Variants in PIGQ observed in about 807,000 individuals in gnomAD.
PIGQ encodes the protein phosphatidylinositol glycan anchor biosynthesis class Q, also known as phosphatidylinositol N-acetylglucosaminyltransferase subunit Q.
PIGQ carries 54 observed loss-of-function variants against 60.3 expected under a neutral mutation model. That is an observed-to-expected ratio of 0.90 (90% CI 0.72 to 1.12). The LOEUF (loss-of-function observed/expected upper bound fraction) is 1.12. Among genes scored for constraint, PIGQ ranks in the 50% most tolerant of loss-of-function variants. The probability of loss-of-function intolerance (pLI) is 0.00; values close to 1 mark genes in which losing one functional copy is unlikely to be tolerated. For synonymous variants in PIGQ, 416 were observed against 363.7 expected (o/e 1.14, Z -1.64); for missense variants, 799 against 793.5 (o/e 1.01, Z -0.08).
chr16:575,228 G>A (rs1038163270), intron 2 of PIGQ, among the ~76,000 whole-genome samples: 8 of 152,236 alleles, frequency 5.3e-5, no homozygotes, highest in Non-Finnish European at 1.2e-4. Context: ...GCCTGGGGGA[G>A]TGGTCTACAG....
Position 582,917 on chromosome 16 carries a change from C to G in PIGQ, c.1628C>G (p.Thr543Ser), listed in dbSNP as rs142961139. 130 of 1,611,966 alleles carry G rather than the reference C, an allele frequency of 8.1e-5. No individual in the cohort carries two copies. In the African/African-American group the frequency reaches 1.5e-3, roughly 18 times the overall value. ...NPLPYSRVVH[T>S]YRLPSCGCHP... Reference sequence around the variant, plus strand: ...CTGCCCTACAGCCGCGTGGTGCACACCTACCGCCTCCCCAGCTGTGGCTGC... The same window carrying G: ...CTGCCCTACAGCCGCGTGGTGCACAGCTACCGCCTCCCCAGCTGTGGCTGC... Residue 543 changes from threonine to serine, a missense_variant, in exon 11 of 11, where the codon ACC (threonine) becomes AGC (serine). Coordinates refer to ENST00000321878, the MANE Select transcript of PIGQ (RefSeq NM_004204.5).
intron 4 of PIGQ, chr16:576,674 C>G: frequency 2.3e-6 from 1 of 440,238 alleles, no homozygotes; most frequent in Non-Finnish European, 4.0e-6. Flanking sequence ...ACTTCCTGCC[C>G]TGCCCCTGTG....
At chr16:579,950 G>A (rs1035294720) in intron 7 of PIGQ, 6 of 406,802 alleles carry the variant, frequency 1.5e-5, no homozygotes, top group Admixed American at 4.2e-5. Context: ...GTGTGGCCAC[G>A]CACCGTCTTG....
At position 574,068 on chromosome 16, in the gene PIGQ, T is replaced by G; in HGVS notation, c.-7T>G. The G allele has an allele frequency of 6.3e-7, 1 of 1,589,540 alleles. No homozygotes were observed. The highest frequency in any genetic ancestry group is 8.6e-7 in the Non-Finnish European group (1 of 1,168,000). Reference sequence around the variant, plus strand: ...GAGCCTCTCCTCTTCTCTTCCAGCCTCCCGGCATGGTGCTCAAGGCCTTCT... The same window carrying G: ...GAGCCTCTCCTCTTCTCTTCCAGCCGCCCGGCATGGTGCTCAAGGCCTTCT... On this transcript the variant is annotated splice_region_variant and 5_prime_UTR_variant, in exon 2 of 11. Coordinates refer to ENST00000321878, the MANE Select transcript of PIGQ (RefSeq NM_004204.5).
At chr16:581,419 T>G in intron 9 of PIGQ, 54 of 986,454 alleles carry the variant, frequency 5.5e-5, no homozygotes, top group East Asian at 9.9e-5. Context: ...ACTGGGGCTC[T>G]TCCCTGCTTG....
Position 583,129 on chromosome 16 carries a change from C to G in PIGQ, c.*94C>G. On this transcript the variant is annotated 3_prime_UTR_variant, in exon 11 of 11. Transcript: ENST00000321878. ...CAGCTCAGCTGGCGCATGTCCTGTG[C>G]TTTGTGGACGCTGCTGTGTGCTCCT... The G allele has an allele frequency of 6.2e-7, 1 of 1,613,282 alleles. No homozygotes were observed. The highest frequency in any genetic ancestry group is 8.5e-7 in the Non-Finnish European group (1 of 1,179,980).
Position 583,764 on chromosome 16 carries a change from G to A in PIGQ, c.*729G>A, listed in dbSNP as rs8642. The A allele has an allele frequency of 0.25, 265,944 of 1,046,976 alleles. 39,374 individuals carry two copies. Among genetic ancestry groups the A allele is most frequent in the East Asian group, 0.62 (24,738 of 40,046 alleles). The allele number at this position is 1,046,976 out of a possible 1,614,324, so 64.9% of individuals were successfully genotyped here. On this transcript the variant is annotated 3_prime_UTR_variant, in exon 11 of 11. Coordinates refer to ENST00000321878, the MANE Select transcript of PIGQ (RefSeq NM_004204.5). ...GGTGCCCCGTAGCAGCAGGTCCTGC[G>A]GCCAAATCTGTCTCCCTTCATGGGC...
At chr16:576,094 T>G (rs1455280857) in intron 3 of PIGQ, 40 bp from the exon 4 acceptor site, 1 of 1,544,700 alleles carries the variant, frequency 6.5e-7, no homozygotes, top group Admixed American at 2.0e-5. Context: ...CAGGCTGTGC[T>G]GGCCACCCTC....
Position 578,457 on chromosome 16 carries a change from G to T in PIGQ, c.1021G>T (p.Asp341Tyr). Residue 341 changes from aspartate to tyrosine, a missense_variant, in exon 5 of 11, where the codon GAC becomes TAC. Transcript: ENST00000321878. ...PAGLKMNRAL[D>Y]QVLGRFFLYH... ...CGGGCTCAAGATGAACCGTGCACTG[G>T]ACCAGGTGCTGGGCCGCTTCTTCCT... The T allele has an allele frequency of 1.2e-6, 2 of 1,612,700 alleles. No individual in the cohort carries two copies. The highest frequency in any genetic ancestry group is 2.2e-5 in the South Asian group (2 of 91,076).
Position 583,688 on chromosome 16 carries a change from G to C in PIGQ, c.*653G>C. The C allele has an allele frequency of 6.3e-7, 1 of 1,598,178 alleles. No individual in the cohort carries two copies. The highest frequency in any genetic ancestry group is 8.5e-7 in the Non-Finnish European group (1 of 1,170,646). On this transcript the variant is annotated 3_prime_UTR_variant, in exon 11 of 11. Transcript: ENST00000321878. ...CCAGGCTGCTGTGGGGGCGGGAGCA[G>C]CCTCAGTGTCAAGGGCCCGCCCACT... is the stretch of plus-strand genomic sequence containing the variant.
chr16:572,074 T>G (rs2035640001), intron 1 of PIGQ, among the ~76,000 whole-genome samples: 1 of 152,178 alleles, frequency 6.6e-6, no homozygotes, highest in Admixed American at 6.5e-5. Flanking sequence ...ACGATATCTG[T>G]GGGCAGTTTT....
intron 1 of PIGQ, among the ~76,000 whole-genome samples, chr16:573,103 T>C (rs4984894): frequency 0.47 from 71,941 of 152,096 alleles, 17,499 homozygotes; most frequent in East Asian, 0.64. Context: ...GCTGGCTGCA[T>C]GGCTCCGCAG....
chr16:579,212 G>C (rs1249464819), intron 7 of PIGQ, 32 bp downstream of exon 7: 2 of 1,547,472 alleles, frequency 1.3e-6, no homozygotes, highest in South Asian at 2.2e-5. Context: ...TGGAGGGGCT[G>C]ACTGCCTCCG....
chr16:578,195 T>G (rs1312356666), intron 4 of PIGQ, 184 bp from the exon 5 acceptor site: 1 of 594,142 alleles, frequency 1.7e-6, no homozygotes, highest in African/African-American at 1.9e-5. Flanking sequence ...CAGACCAGCC[T>G]CCTCAGACCC....
Position 583,269 on chromosome 16 carries a change from G to A in PIGQ, c.*234G>A. ...CCATCACTGGCACTGCCTGCCTTGG[G>A]ACCCGCTTCCCACCTGCTGCGGTCA... On this transcript the variant is annotated 3_prime_UTR_variant, in exon 11 of 11. Transcript: ENST00000321878. 2 of 1,612,860 alleles carry A rather than the reference G, an allele frequency of 1.2e-6. No homozygotes were observed. Among genetic ancestry groups the A allele is most frequent in the Non-Finnish European group, 1.7e-6 (2 of 1,179,942 alleles).
At position 578,666 on chromosome 16, in the gene PIGQ, C is replaced by A; in HGVS notation, c.1070-119C>A. ...CTGAGGGCTGGGGCCTGGGCACCTCCCGAGGGCTGACCCCACCCTGCCAGG... is the reference window on the plus strand; with the variant it reads ...CTGAGGGCTGGGGCCTGGGCACCTCACGAGGGCTGACCCCACCCTGCCAGG... On this transcript the variant is annotated intron_variant, in intron 5 of 10. Transcript: ENST00000321878. 4 of 1,438,844 alleles carry A rather than the reference C, an allele frequency of 2.8e-6. No homozygotes were observed. In the South Asian group the frequency reaches 3.8e-5, roughly 14 times the overall value. 89.1% of individuals were successfully genotyped at this position (1,438,844 alleles called of 1,614,324 possible).
intron 9 of PIGQ, chr16:581,374 C>T (rs763320335): frequency 3.6e-5 from 42 of 1,179,350 alleles, no homozygotes; most frequent in Middle Eastern, 3.1e-4. Context: ...CGGAAAACCC[C>T]GTCCACTCAA....
Position 575,947 on chromosome 16 carries a change from G to A in PIGQ, c.798G>A (p.Ala266=), listed in dbSNP as rs147905228. ...HLTLIFSTRK[A]ENPAQLMRKA... is the part of the protein sequence containing the mutation. ...CGCTAATCTTCAGTACACGGAAGGCGGAGAACCCTGCCCAGCTGATGAGGT... is the reference window on the plus strand; with the variant it reads ...CGCTAATCTTCAGTACACGGAAGGCAGAGAACCCTGCCCAGCTGATGAGGT... Residue 266 remains alanine, a synonymous_variant, in exon 3 of 11, where the codon GCG becomes GCA. Coordinates refer to ENST00000321878, the MANE Select transcript of PIGQ (RefSeq NM_004204.5). The A allele has an allele frequency of 1.2e-4, 190 of 1,585,244 alleles. No individual in the cohort carries two copies. Among genetic ancestry groups the A allele is most frequent in the South Asian group, 1.8e-4 (16 of 86,910 alleles).
intron 9 of PIGQ, 54 bp from the exon 10 acceptor site, chr16:582,192 CAT>C (rs1184942649): frequency 6.3e-6 from 8 of 1,274,178 alleles, no homozygotes; most frequent in East Asian, 2.5e-5. Context: ...AGCCTCTGCT[CAT>C]GTGTGGGGCC....
Sources: gnomAD v4.1 joint callset for allele counts (sites outside exome capture counted in the v4.1 genomes callset) on GRCh38, gnomAD v4.1.1 for gene constraint, MANE v1.5 for transcripts, NCBI Gene and HGNC (gene_info 2026-07-23, HGNC 2026-07-21) for gene names.